The following PIK3R2 variants were observed in gnomAD, a reference collection of about 807,000 sequenced individuals.
The protein encoded by PIK3R2 is phosphoinositide-3-kinase regulatory subunit 2, also known as phosphatidylinositol 3-kinase regulatory subunit beta.
Under a neutral mutation model 78.5 loss-of-function variants are expected in PIK3R2, and 40 were observed. That is an observed-to-expected ratio of 0.51 (90% confidence interval 0.40 to 0.66). The LOEUF (loss-of-function observed/expected upper bound fraction) is 0.66, where lower values mean the gene tolerates loss of function less well. Among genes scored for constraint, PIK3R2 ranks in the 30% least tolerant of loss-of-function variants. The pLI, the probability that PIK3R2 is intolerant of heterozygous loss-of-function variation, is 0.00. For synonymous variants in PIK3R2, 473 were observed against 457.7 expected (o/e 1.03, Z -0.43); for missense variants, 880 against 1,026.6 (o/e 0.86, Z 1.95).
chr19:18,160,914 C>T lies in PIK3R2; in HGVS notation c.416-5C>T, dbSNP rs755902750. The T allele has an allele frequency of 2.5e-6, 4 of 1,606,618 alleles. No homozygotes were observed. Among genetic ancestry groups the T allele is most frequent in the Non-Finnish European group, 2.5e-6 (3 of 1,177,234 alleles). On this transcript the variant is annotated splice_region_variant and splice_polypyrimidine_tract_variant and intron_variant, in intron 3 of 15. Transcript: ENST00000222254. ...AGCTGACTCGCCTGTCCCCTTCACC[C>T]CCAGGGCTGGACAGCGAATCTCACT...
intron 11 of PIK3R2, 57 bp downstream of exon 11, chr19:18,163,445 C>T (rs998669034): frequency 1.1e-5 from 18 of 1,602,950 alleles, no homozygotes; most frequent in African/African-American, 6.7e-5. Context: ...GTGGCAAGGC[C>T]GGGAGCAGGA....
intron 11 of PIK3R2, among the ~76,000 whole-genome samples, chr19:18,164,158 AGTGTACAAGCT>A (rs2147954530): frequency 6.6e-6 from 1 of 152,262 alleles, no homozygotes; most frequent in Admixed American, 6.5e-5. Context: ...TAAAAAAATA[AGTGTACAAGCT>A]TTTACAAAAC....
Position 18,161,316 on chromosome 19 carries a change from G to T in PIK3R2, c.636G>T (p.Pro212=). The change falls in exon 6 of 16, where the codon CCG becomes CCT. Residue 212 remains proline (P), a synonymous_variant. Coordinates refer to ENST00000222254, the MANE Select transcript of PIK3R2 (RefSeq NM_005027.4). The surrounding 1 kb of genome is among the most constrained non-coding windows in gnomAD (Gnocchi z 5.3). ...AGPVGPALEP[P]TLPLHRALTL... is the part of the protein sequence containing the mutation. ...CCGTGGGGCCGGCGCTGGAGCCACC[G>T]ACGCTGCCGCTGCACCGCGCGCTCA... The T allele has an allele frequency of 7.4e-7, 1 of 1,353,612 alleles. No individual in the cohort carries two copies. The highest frequency in any genetic ancestry group is 1.8e-5 in the South Asian group (1 of 56,844). 83.9% of individuals were successfully genotyped at this position (1,353,612 alleles called of 1,614,324 possible).
Position 18,170,470 on chromosome 19 carries a change from C to T in PIK3R2, c.*1176C>T, listed in dbSNP as rs1370436821. The T allele has an allele frequency of 6.6e-6, 1 of 152,146 alleles. No individual in the cohort carries two copies. The highest frequency in any genetic ancestry group is 1.9e-4 in the East Asian group (1 of 5,192). The allele number at this position is 152,146 out of a possible 1,614,324, so 9.4% of individuals were successfully genotyped here. A position where few individuals can be genotyped will look rare whatever the true frequency, so the allele number is the denominator to read the frequency against. ...CTTGGCCACCACACTGCCTGCCCCA[C>T]GAGCTGGGAGGCAGGTTTTGTACGG... On this transcript the variant is annotated 3_prime_UTR_variant, in exon 16 of 16. Transcript: ENST00000222254.
intron 11 of PIK3R2, among the ~76,000 whole-genome samples, chr19:18,165,251 G>A (rs555667257): frequency 1.3e-5 from 2 of 151,226 alleles, no homozygotes; most frequent in Admixed American, 6.6e-5. Flanking sequence ...TGTAATCGCA[G>A]CTACTCAAGA....
rs2043817905 is a variant in PIK3R2, at chr19:18,167,155, A to G, written c.1585A>G (p.Lys529Glu). ...QRILLNSERL[K>E]SRIAEIHESR... Reference sequence around the variant, plus strand: ...GATCCTGCTGAACTCCGAGCGGCTCAAGTCCCGCATTGCCGAGATCCATGA... The same window carrying G: ...GATCCTGCTGAACTCCGAGCGGCTCGAGTCCCGCATTGCCGAGATCCATGA... Residue 529 changes from lysine to glutamate, a missense_variant, in exon 13 of 16, where the codon AAG (lysine) becomes GAG (glutamate). Lys to Glu is a moderately conservative substitution (Grantham distance 56, BLOSUM62 1). Transcript: ENST00000222254. This position sits in a 1 kb window ranked among gnomAD's most constrained non-coding sequence, Gnocchi z 4.5. The G allele has an allele frequency of 1.2e-6, 2 of 1,601,002 alleles. No homozygotes were observed. Among genetic ancestry groups the G allele is most frequent in the Non-Finnish European group, 1.7e-6 (2 of 1,173,606 alleles).
chr19:18,164,910 A>G (rs1343210032), intron 11 of PIK3R2, among the ~76,000 whole-genome samples: 1 of 149,710 alleles, frequency 6.7e-6, no homozygotes, highest in African/African-American at 2.4e-5. Flanking sequence ...TTAAAAAAAA[A>G]AAAAGAAAAA....
rs1294566487 is a variant in PIK3R2 at position 18,161,254 on chromosome 19, C to T, written c.599-25C>T. 2 of 1,463,816 alleles carry T rather than the reference C, an allele frequency of 1.4e-6. No individual in the cohort carries two copies. Among genetic ancestry groups the T allele is most frequent in the Middle Eastern group, 2.5e-4 (1 of 4,038 alleles). The allele number at this position is 1,463,816 out of a possible 1,614,324, so 90.7% of individuals were successfully genotyped here. On this transcript the variant is annotated intron_variant, in intron 5 of 15. Transcript: ENST00000222254. The surrounding 1 kb of genome is among the most constrained non-coding windows in gnomAD (Gnocchi z 5.3). Reference sequence around the variant, plus strand: ...GGTGGGAGGGCCCAGGCCTGGCTCACCCTGCCCTGGCCATCTGTCCGCAGA... The same window carrying T: ...GGTGGGAGGGCCCAGGCCTGGCTCATCCTGCCCTGGCCATCTGTCCGCAGA...
In PIK3R2 at chr19:18,155,815, C is replaced by A; in HGVS notation, c.-65C>A. ...CGGACCCTCCCAGCCCTGCTTCAAC[C>A]AATGGGGCCAGTGGGGCTCCAAGCA... On this transcript the variant is annotated 5_prime_UTR_variant, in exon 2 of 16. Coordinates refer to ENST00000222254, the MANE Select transcript of PIK3R2 (RefSeq NM_005027.4). 1 of 1,422,242 alleles carries A rather than the reference C, an allele frequency of 7.0e-7. No homozygotes were observed. The highest frequency in any genetic ancestry group is 9.4e-7 in the Non-Finnish European group (1 of 1,065,132). 88.1% of individuals were successfully genotyped at this position (1,422,242 alleles called of 1,614,324 possible). A position where few individuals can be genotyped will look rare whatever the true frequency, so the allele number is the denominator to read the frequency against.
rs33933785 is a variant in PIK3R2 at position 18,165,362 on chromosome 19, CAAAAAAAAAA to C, written c.1417-785_1417-776del. Among the ~76,000 whole-genome samples, 3 of 81,016 alleles carry C rather than the reference CAAAAAAAAAA, an allele frequency of 3.7e-5. No homozygotes were observed. The East Asian group carries it at 1.0e-3, about 28-fold the overall frequency. The allele number at this position is 81,016 out of a possible 152,430, so 53.1% of individuals were successfully genotyped here. ...CCTGGGACAGAGTGAGACTCCGTCT[CAAAAAAAAAA>C]AAAAAAAAAAAATTAGCCGGGCATG... On this transcript the variant is annotated intron_variant, in intron 11 of 15. Coordinates refer to ENST00000222254, the MANE Select transcript of PIK3R2 (RefSeq NM_005027.4).
chr19:18,155,920 C>A lies in PIK3R2; in HGVS notation c.41C>A (p.Pro14Gln), dbSNP rs756943808. The A allele has an allele frequency of 1.0e-5, 16 of 1,566,332 alleles. No individual in the cohort carries two copies. In the South Asian group the frequency reaches 1.8e-4, roughly 17 times the overall value. Residue 14 changes from proline to glutamine, a missense_variant, in exon 2 of 16, where the codon CCG becomes CAG. Transcript: ENST00000222254. Reference protein sequence around the residue: ...PEGFQYRALYPFRRERPEDLE... With the variant: ...PEGFQYRALYQFRRERPEDLE... ...GGCTTCCAGTACCGCGCTCTGTACC[C>A]GTTCCGCCGGGAGCGGCCGGAGGAC...
chr19:18,168,984 C>T lies in PIK3R2; in HGVS notation c.1979+88C>T. On this transcript the variant is annotated intron_variant, in intron 15 of 15. Coordinates refer to ENST00000222254, the MANE Select transcript of PIK3R2 (RefSeq NM_005027.4). The surrounding 1 kb of genome is among the most constrained non-coding windows in gnomAD (Gnocchi z 4.1). ...CGCGTGCCAGGCCTTGGGAAGGAGT[C>T]CCTGGTGGGGTCATCCGGGACAGGG... 1.3e-5 allele frequency: 20 copies of T among 1,557,612 alleles called. No homozygotes were observed. Among genetic ancestry groups the T allele is most frequent in the Non-Finnish European group, 1.8e-5 (20 of 1,141,512 alleles).
chr19:18,158,881 C>T (rs2043709569), intron 2 of PIK3R2, among the ~76,000 whole-genome samples: 1 of 152,118 alleles, frequency 6.6e-6, no homozygotes, highest in African/African-American at 2.4e-5. Context: ...TCGCTCTTGT[C>T]GCCCAGGCTG....
Position 18,167,005 on chromosome 19 carries a change from G to T in PIK3R2, c.1560-125G>T. 1.5e-6 allele frequency: 1 copy of T among 686,840 alleles called. No homozygotes were observed. The allele number at this position is 686,840 out of a possible 1,614,324, so 42.5% of individuals were successfully genotyped here. A position where few individuals can be genotyped will look rare whatever the true frequency, so the allele number is the denominator to read the frequency against. ...TAAAATGTTAGCCAGACATGGTGGT[G>T]CACACCTGTGGTCCCAGCTACTCGG... On this transcript the variant is annotated intron_variant, in intron 12 of 15. Transcript: ENST00000222254. The surrounding 1 kb of genome is among the most constrained non-coding windows in gnomAD (Gnocchi z 4.5).
chr19:18,155,866 C>A lies in PIK3R2; in HGVS notation c.-14C>A. 6.5e-7 allele frequency: 1 copy of A among 1,534,234 alleles called. No individual in the cohort carries two copies. Among genetic ancestry groups the A allele is most frequent in the South Asian group, 1.2e-5 (1 of 82,194 alleles). On this transcript the variant is annotated 5_prime_UTR_variant, in exon 2 of 16. Transcript: ENST00000222254. ...GCCACCTAACCATCCAGACCCCACC[C>A]CACTCACGCGGCCATGGCGGGCCCT...
intron 2 of PIK3R2, among the ~76,000 whole-genome samples, chr19:18,158,457 C>T (rs2043702081): frequency 6.6e-6 from 1 of 150,772 alleles, no homozygotes; most frequent in Admixed American, 6.6e-5. Flanking sequence ...TGCCACTGCA[C>T]ACCAGCCTGG....
At chr19:18,165,692 A>G (rs1379684746) in intron 11 of PIK3R2, among the ~76,000 whole-genome samples, 1 of 152,152 alleles carries the variant, frequency 6.6e-6, no homozygotes, top group African/African-American at 2.4e-5. Context: ...CTGATGTGTT[A>G]GCTGAGGCTC....
At chr19:18,158,772 C>T (rs763288596) in intron 2 of PIK3R2, among the ~76,000 whole-genome samples, 4 of 152,180 alleles carry the variant, frequency 2.6e-5, no homozygotes, top group Non-Finnish European at 5.9e-5. Context: ...GTGGCTGCCG[C>T]AAAAATTACC....
chr19:18,162,908 A>C, intron 9 of PIK3R2, 59 bp from the exon 10 acceptor site: 1 of 1,488,964 alleles, frequency 6.7e-7, no homozygotes, highest in Non-Finnish European at 9.2e-7. Context: ...AAAAGGGGAC[A>C]GGGATTGAGG....
Sources: gnomAD v4.1 joint callset for allele counts (sites outside exome capture counted in the v4.1 genomes callset) on GRCh38, gnomAD v4.1.1 for gene constraint, Gnocchi (gnomAD v3.1) non-coding constraint, MANE v1.5 for transcripts, NCBI Gene and HGNC (gene_info 2026-07-23, HGNC 2026-07-21) for gene names.